HSD17B14: variants seen among roughly 807,000 people sequenced by gnomAD.
HSD17B14 encodes the protein hydroxysteroid 17-beta dehydrogenase 14, also known as L-fucose dehydrogenase.
Under a neutral mutation model 32.2 loss-of-function variants are expected in HSD17B14, and 32 were observed. The ratio of observed to expected loss-of-function variants is 0.99; its 90% confidence interval spans 0.75 to 1.33. The LOEUF (loss-of-function observed/expected upper bound fraction) is 1.33, where lower values mean the gene tolerates loss of function less well. HSD17B14 is among the 40% of genes most tolerant of loss of function. The pLI is 0.00. For missense variants in HSD17B14, 370 were observed against 366.5 expected (o/e 1.01, Z -0.08); for synonymous variants, 140 against 155.4 (o/e 0.90, Z 0.74).
intron 3 of HSD17B14, among the ~76,000 whole-genome samples, chr19:48,833,083 G>A (rs1041445083): frequency 6.6e-6 from 1 of 151,836 alleles, no homozygotes; most frequent in Admixed American, 6.6e-5. Context: ...TAGATGGGGT[G>A]TCCAGCCATA....
intron 5 of HSD17B14, among the ~76,000 whole-genome samples, chr19:48,827,871 T>TC (rs1375147721): frequency 1.3e-5 from 2 of 150,058 alleles, no homozygotes; most frequent in Non-Finnish European, 3.0e-5. Context: ...TTTTTTTTTT[T>TC]TGAGACGGAG....
intron 2 of HSD17B14, among the ~76,000 whole-genome samples, chr19:48,834,878 C>T (rs374561474): frequency 0.053 from 677 of 12,830 alleles, no homozygotes; most frequent in South Asian, 0.13. Flanking sequence ...CTCCTGGGTC[C>T]GAGGAAGTAG....
rs201649418 is a variant in HSD17B14, at chr19:48,836,441, A to C, written c.-30T>G. 3.8e-6 allele frequency: 6 copies of C among 1,592,802 alleles called. No individual in the cohort carries two copies. The Admixed American group carries it at 6.7e-5, about 18-fold the overall frequency. ...TGTACGTCGGTCTCTCTCTCTCTCT[A>C]CTCTGGGCCTCTTTCACCTCCAAAG... On this transcript the variant is annotated 5_prime_UTR_variant, in exon 1 of 9. Coordinates refer to ENST00000263278, the MANE Select transcript of HSD17B14 (RefSeq NM_016246.3).
Position 48,834,347 on chromosome 19 carries a change from G to C in HSD17B14, c.139C>G (p.Arg47Gly), listed in dbSNP as rs142566794. 7 of 1,613,472 alleles carry C rather than the reference G, an allele frequency of 4.3e-6. No homozygotes were observed. The highest frequency in any genetic ancestry group is 1.1e-5 in the South Asian group (1 of 91,064). Residue 47 changes from arginine (R) to glycine (G), a missense_variant, in exon 3 of 9, where the codon CGG (arginine) becomes GGG (glycine). By Grantham distance (125) the Arg-to-Gly change is moderately radical. Coordinates refer to ENST00000263278, the MANE Select transcript of HSD17B14 (RefSeq NM_016246.3). ...CCAGGGAGCTCCTGCTCCAGGGCCC[G>C]GCCCCCAGACTCTGCAGGGAGAGAA... The part of the protein sequence containing the change: ...VICDKDESGG[R>G]ALEQELPGAV...
At chr19:48,828,315 A>T (rs1167887899) in intron 5 of HSD17B14, among the ~76,000 whole-genome samples, 3 of 152,176 alleles carry the variant, frequency 2.0e-5, no homozygotes, top group Admixed American at 2.0e-4. Flanking sequence ...GCTACTTGGT[A>T]TCAGGTCGTC....
At chr19:48,829,923 G>A (rs956496951) in intron 5 of HSD17B14, among the ~76,000 whole-genome samples, 3 of 152,016 alleles carry the variant, frequency 2.0e-5, no homozygotes, top group African/African-American at 7.2e-5. Context: ...GATTACAGGC[G>A]TAAGCCACCA....
intron 2 of HSD17B14, 122 bp from the exon 3 acceptor site, chr19:48,834,480 G>A (rs140351309): frequency 0.042 from 19,751 of 467,748 alleles, 1,242 homozygotes; most frequent in African/African-American, 0.19. Flanking sequence ...GTCTGAGGGA[G>A]GAGGGGCTGA....
At position 48,835,843 on chromosome 19, in the gene HSD17B14, A is replaced by G. The variant is rs200183719; in HGVS notation, c.89T>C (p.Val30Ala). The change falls in exon 2 of 9, where the codon GTG becomes GCG. Residue 30 changes from valine (V) to alanine (A), a missense_variant and splice_region_variant. By Grantham distance (64) the Val-to-Ala change is moderately conservative (BLOSUM62 0). Coordinates refer to ENST00000263278, the MANE Select transcript of HSD17B14 (RefSeq NM_016246.3). ...GATAACCACTCGGGCCCCGCTGTTC[A>G]CTGAGAATAGGAAGGGAACAGGTTA... ...GIGAGIVRAF[V>A]NSGARVVICD... 1.2e-6 allele frequency: 2 copies of G among 1,613,462 alleles called. No homozygotes were observed. Among genetic ancestry groups the G allele is most frequent in the East Asian group, 2.2e-5 (1 of 44,876 alleles).
At chr19:48,816,395 C>A (rs895542266) in intron 5 of HSD17B14, among the ~76,000 whole-genome samples, 1 of 152,170 alleles carries the variant, frequency 6.6e-6, no homozygotes, top group Non-Finnish European at 1.5e-5. Context: ...CTTCGACACA[C>A]CCTGCGTGTT....
intron 2 of HSD17B14, 125 bp downstream of exon 2, chr19:48,835,680 T>C: frequency 2.2e-6 from 2 of 906,834 alleles, no homozygotes; most frequent in East Asian, 2.4e-5. Context: ...TCTGGACTCC[T>C]GGGTCTGAGG....
At chr19:48,823,607 T>A (rs547024627) in intron 5 of HSD17B14, among the ~76,000 whole-genome samples, 42 of 151,782 alleles carry the variant, frequency 2.8e-4, no homozygotes, top group Non-Finnish European at 5.1e-4. Flanking sequence ...TATAGGTATT[T>A]ATTATACTAC....
chr19:48,814,737 G>A (rs1387903445), intron 6 of HSD17B14, among the ~76,000 whole-genome samples: 4 of 151,680 alleles, frequency 2.6e-5, no homozygotes, highest in Admixed American at 6.6e-5. Flanking sequence ...CCAGCTACTC[G>A]GGAGGCTGAG....
At chr19:48,832,615 CAG>C in intron 4 of HSD17B14, 49 bp downstream of exon 4, 2 of 1,509,246 alleles carry the variant, frequency 1.3e-6, no homozygotes, top group Non-Finnish European at 1.8e-6. Context: ...GTGCAGGAAA[CAG>C]AGTTGGGGGG....
At chr19:48,834,684 C>T (rs1195381812) in intron 2 of HSD17B14, among the ~76,000 whole-genome samples, 1 of 84,278 alleles carries the variant, frequency 1.2e-5, no homozygotes, top group Non-Finnish European at 2.1e-5. Context: ...GGGGCCTGGA[C>T]TCCTGGGTCT....
chr19:48,826,718 C>A (rs1416729154), intron 5 of HSD17B14, among the ~76,000 whole-genome samples: 2 of 151,260 alleles, frequency 1.3e-5, no homozygotes, highest in East Asian at 2.0e-4. Context: ...CCCAACCTCC[C>A]GGGAACATTT....
chr19:48,834,235 T>A (rs1453482985), intron 3 of HSD17B14, 41 bp downstream of exon 3: 1 of 1,494,778 alleles, frequency 6.7e-7, no homozygotes, highest in Admixed American at 1.7e-5. Flanking sequence ...AAAGAACTGG[T>A]CATTAGCGGA....
At position 48,834,338 on chromosome 19, in the gene HSD17B14, C is replaced by T. The variant is rs145482025; in HGVS notation, c.148G>A (p.Glu50Lys). ...DKDESGGRALEQELPGAVFIL... is the reference protein window; with the variant it reads ...DKDESGGRALKQELPGAVFIL... ...AAGACAGCTCCAGGGAGCTCCTGCT[C>T]CAGGGCCCGGCCCCCAGACTCTGCA... Residue 50 changes from glutamate (E) to lysine (K), a missense_variant, in exon 3 of 9, where the codon GAG becomes AAG. Physicochemically the swap from Glu to Lys is moderately conservative, Grantham distance 56. Transcript: ENST00000263278. The T allele has an allele frequency of 1.2e-5, 20 of 1,613,814 alleles. No homozygotes were observed. In the African/African-American group the frequency reaches 2.5e-4, roughly 20 times the overall value.
chr19:48,826,655 G>C (rs1014014187), intron 5 of HSD17B14, among the ~76,000 whole-genome samples: 23 of 150,486 alleles, frequency 1.5e-4, no homozygotes, highest in African/African-American at 5.1e-4. Flanking sequence ...ATCCTAGAAA[G>C]TCAACACAAA....
chr19:48,815,650 A>G lies in HSD17B14; in HGVS notation c.370-509T>C, dbSNP rs980212676. ...CTCGGCCTCCCAAAGTGTTGGGATT[A>G]CAGGCACGAGGCATCACACCCAGCC... On this transcript the variant is annotated intron_variant, in intron 5 of 8. Transcript: ENST00000263278. Among the ~76,000 whole-genome samples the G allele has an allele frequency of 1.6e-4, 24 of 152,018 alleles. 1 individual carries two copies. Among genetic ancestry groups the G allele is most frequent in the Admixed American group, 1.1e-3 (17 of 15,256 alleles).
Sources: gnomAD v4.1 joint callset for allele counts (sites outside exome capture counted in the v4.1 genomes callset) on GRCh38, gnomAD v4.1.1 for gene constraint, MANE v1.5 for transcripts, NCBI Gene and HGNC (gene_info 2026-07-23, HGNC 2026-07-21) for gene names.